FRMPD1: variants seen among roughly 807,000 people sequenced by gnomAD.
FRMPD1 encodes FERM and PDZ domain containing 1, also known as FERM and PDZ domain-containing protein 1.
A neutral mutation model predicts 117.8 loss-of-function variants in FRMPD1; 76 were observed. The observed-to-expected ratio is 0.65, with a 90% confidence interval of 0.54 to 0.78. The LOEUF (loss-of-function observed/expected upper bound fraction) is 0.78. FRMPD1 is among the 30% of genes least tolerant of loss of function. The pLI, the probability that FRMPD1 is intolerant of heterozygous loss-of-function variation, is 0.00. For missense variants in FRMPD1, 1,786 were observed against 1,964.5 expected (o/e 0.91, Z 1.72); for synonymous variants, 783 against 770.4 (o/e 1.02, Z -0.27).
chr9:37,691,184 T>C (rs969038514), intron 1 of FRMPD1, among the ~76,000 whole-genome samples: 9 of 152,352 alleles, frequency 5.9e-5, no homozygotes, highest in African/African-American at 2.2e-4. Context: ...TCCTGTACCG[T>C]CTATTGTGCC....
intron 1 of FRMPD1, among the ~76,000 whole-genome samples, chr9:37,652,961 A>G (rs749700925): frequency 1.2e-4 from 18 of 152,216 alleles, no homozygotes; most frequent in Non-Finnish European, 2.4e-4. Context: ...GAGGATTTCA[A>G]CAGGTGGTGA....
intron 3 of FRMPD1, 110 bp from the exon 4 acceptor site, chr9:37,708,289 G>A: frequency 1.5e-6 from 1 of 680,898 alleles, no homozygotes. Context: ...GGGGGAGTGA[G>A]CCAGTGCCCC....
intron 4 of FRMPD1, among the ~76,000 whole-genome samples, chr9:37,710,401 G>T (rs954374520): frequency 2.0e-5 from 3 of 152,134 alleles, no homozygotes; most frequent in African/African-American, 7.2e-5. Flanking sequence ...TCTCTGTTCT[G>T]GCCGCTAATA....
Position 37,744,591 on chromosome 9 carries a change from C to T in FRMPD1, c.2559C>T (p.Pro853=), listed in dbSNP as rs567244876. 6.2e-7 allele frequency: 1 copy of T among 1,614,104 alleles called. No individual in the cohort carries two copies. The highest frequency in any genetic ancestry group is 8.5e-7 in the Non-Finnish European group (1 of 1,179,978). The part of the protein sequence containing the change: ...QTDYTSQVSF[P]LVPSASLESV... ...ACTACACCTCTCAGGTCTCATTTCCCCTGGTGCCATCAGCCTCCCTGGAGA... is the reference window on the plus strand; with the variant it reads ...ACTACACCTCTCAGGTCTCATTTCCTCTGGTGCCATCAGCCTCCCTGGAGA... Residue 853 remains proline, a synonymous_variant, in exon 16 of 16, where the codon CCC becomes CCT. Coordinates refer to ENST00000377765, the MANE Select transcript of FRMPD1 (RefSeq NM_014907.3).
Position 37,746,818 on chromosome 9 carries a change from T to TC in FRMPD1, c.*52dup. 7.7e-7 allele frequency: 1 copy of TC among 1,304,214 alleles called. No homozygotes were observed. The highest frequency in any genetic ancestry group is 1.1e-6 in the Non-Finnish European group (1 of 910,300). The allele number at this position is 1,304,214 out of a possible 1,614,324, so 80.8% of individuals were successfully genotyped here. A position where few individuals can be genotyped will look rare whatever the true frequency, so the allele number is the denominator to read the frequency against. ...CCTGCCCTGTCCTGCCTTGGACACT[T>TC]CCCTGAGAAGCCCCTTCCACTCTCC... On this transcript the variant is annotated 3_prime_UTR_variant, in exon 16 of 16. Transcript: ENST00000377765.
chr9:37,610,619 C>T, the FRMPD1 span, among the ~76,000 whole-genome samples: 5 of 140,038 alleles, frequency 3.6e-5, no homozygotes, highest in African/African-American at 7.8e-5. Context: ...TTTGAGACAG[C>T]GTTTCTCTCT....
Position 37,719,051 on chromosome 9 carries a change from C to G in FRMPD1, c.409-18C>G. 1 of 1,458,728 alleles carries G rather than the reference C, an allele frequency of 6.9e-7. No homozygotes were observed. The highest frequency in any genetic ancestry group is 2.3e-5 in the East Asian group (1 of 44,208). 90.4% of individuals were successfully genotyped at this position (1,458,728 alleles called of 1,614,324 possible). A position where few individuals can be genotyped will look rare whatever the true frequency, so the allele number is the denominator to read the frequency against. The stretch of plus-strand genomic sequence containing the variant: ...ATGAAAGCACTGTTCCAAAATGCAT[C>G]ATGTTACTGTTTTTCAGGGAGTCCC... On this transcript the variant is annotated intron_variant, in intron 5 of 15. Transcript: ENST00000377765.
At chr9:37,720,517 T>A (rs547216258) in intron 6 of FRMPD1, among the ~76,000 whole-genome samples, 249 of 152,036 alleles carry the variant, frequency 1.6e-3, no homozygotes, top group Middle Eastern at 3.4e-3. Context: ...TACAAAAAAT[T>A]AGCCGGGCGT....
intron 7 of FRMPD1, among the ~76,000 whole-genome samples, chr9:37,728,929 C>A (rs1481414336): frequency 1.3e-5 from 2 of 149,560 alleles, no homozygotes; most frequent in Non-Finnish European, 3.0e-5. Flanking sequence ...CAGCATTGCA[C>A]TCCAGCCTGG....
At chr9:37,661,747 G>A (rs1821007705) in intron 1 of FRMPD1, 1 of 152,234 alleles carries the variant, frequency 6.6e-6, no homozygotes, top group Non-Finnish European at 1.5e-5. Flanking sequence ...GTCCTCTACA[G>A]CTTTGACACT....
Position 37,746,360 on chromosome 9 carries a change from GAAAC to G in FRMPD1, c.4334_4337del (p.Lys1445IlefsTer31), listed in dbSNP as rs1228740359. The G allele has an allele frequency of 1.2e-6, 2 of 1,612,566 alleles. No homozygotes were observed. The highest frequency in any genetic ancestry group is 1.7e-6 in the Non-Finnish European group (2 of 1,179,674). On this transcript the variant is annotated frameshift_variant, in exon 16 of 16. Coordinates refer to ENST00000377765, the MANE Select transcript of FRMPD1 (RefSeq NM_014907.3). LOFTEE classifies it high-confidence loss of function. ...ATTTTAGAAACTTCCTGGGGGGTTGGAAACAAACATCCCCCAGAGAAGTGCACCT... is the reference window on the plus strand; with the variant it reads ...ATTTTAGAAACTTCCTGGGGGGTTGGAAACATCCCCCAGAGAAGTGCACCT...
At chr9:37,671,106 C>T (rs1157505537) in intron 1 of FRMPD1, among the ~76,000 whole-genome samples, 1 of 152,112 alleles carries the variant, frequency 6.6e-6, no homozygotes, top group African/African-American at 2.4e-5. Context: ...CCTGGTAATG[C>T]TAGATCACAT....
At chr9:37,606,954 G>A in the FRMPD1 span, among the ~76,000 whole-genome samples, 2 of 152,178 alleles carry the variant, frequency 1.3e-5, no homozygotes, top group Non-Finnish European at 2.9e-5. Context: ...AGGGAGAAGG[G>A]TTTTGTTTTT....
At chr9:37,656,283 C>T (rs1353733522) in intron 1 of FRMPD1, among the ~76,000 whole-genome samples, 2 of 152,130 alleles carry the variant, frequency 1.3e-5, no homozygotes, top group Non-Finnish European at 2.9e-5. Context: ...TGAACTCACT[C>T]GTGGCATTCT....
chr9:37,604,954 G>A, the FRMPD1 span, among the ~76,000 whole-genome samples: 1 of 152,200 alleles, frequency 6.6e-6, no homozygotes, highest in Non-Finnish European at 1.5e-5. Flanking sequence ...TCTGAGGCAG[G>A]CTCTATTATT....
rs746052003 is a variant in FRMPD1, at chr9:37,740,774, C to T, written c.2246C>T (p.Ser749Phe). ...QQGWTEAQPS[S>F]MLEPLALHPP... ...GGCTGGACTGAGGCCCAGCCCAGTTCCATGCTGGAACCCCTGGCCCTGCAC... is the reference window on the plus strand; with the variant it reads ...GGCTGGACTGAGGCCCAGCCCAGTTTCATGCTGGAACCCCTGGCCCTGCAC... Residue 749 changes from serine to phenylalanine, a missense_variant, in exon 15 of 16, where the codon TCC (serine) becomes TTC (phenylalanine). Transcript: ENST00000377765. The surrounding 1 kb of genome is among the most constrained non-coding windows in gnomAD (Gnocchi z 4.2). The T allele has an allele frequency of 4.3e-6, 7 of 1,614,128 alleles. No individual in the cohort carries two copies. The highest frequency in any genetic ancestry group is 5.9e-6 in the Non-Finnish European group (7 of 1,179,958).
At chr9:37,654,656 A>AG (rs997565857) in intron 1 of FRMPD1, among the ~76,000 whole-genome samples, 23 of 152,316 alleles carry the variant, frequency 1.5e-4, no homozygotes, top group Admixed American at 1.4e-3. Flanking sequence ...AGTTCAATTG[A>AG]GGGTGAGAGA....
At chr9:37,631,415 G>T in the FRMPD1 span, among the ~76,000 whole-genome samples, 69 of 152,244 alleles carry the variant, frequency 4.5e-4, no homozygotes, top group Non-Finnish European at 7.4e-4. Context: ...TTGGCAGCCT[G>T]GGCAAAAAGA....
chr9:37,691,114 G>A (rs1000082075), intron 1 of FRMPD1, among the ~76,000 whole-genome samples: 7 of 152,204 alleles, frequency 4.6e-5, no homozygotes, highest in African/African-American at 1.7e-4. Flanking sequence ...AGAGAACTGG[G>A]CACAGGAAGA....
Sources: gnomAD v4.1 joint callset for allele counts (sites outside exome capture counted in the v4.1 genomes callset) on GRCh38, gnomAD v4.1.1 for gene constraint, Gnocchi (gnomAD v3.1) non-coding constraint, MANE v1.5 for transcripts, NCBI Gene and HGNC (gene_info 2026-07-23, HGNC 2026-07-21) for gene names.